CADPS: variants seen among roughly 807,000 people sequenced by gnomAD.
CADPS encodes calcium-dependent secretion activator 1.
In CADPS, 57 loss-of-function variants were observed where a neutral mutation model predicts 167.3. The ratio of observed to expected loss-of-function variants is 0.34; its 90% CI spans 0.28 to 0.42. The LOEUF (loss-of-function observed/expected upper bound fraction) is 0.42. Ranked by LOEUF, CADPS falls within the 20% of genes least tolerant of loss-of-function variation. CADPS has a pLI of 1.00. For synonymous variants in CADPS, 676 were observed against 635.3 expected, an observed-to-expected ratio of 1.06 and a Z score of -0.96; for missense variants, 1,414 against 1,738.1, an observed-to-expected ratio of 0.81 and a Z score of 3.32.
chr3:62,577,662 G>C (rs567987252), intron 8 of CADPS, among the ~76,000 whole-genome samples: 2 of 152,320 alleles, frequency 1.3e-5, no homozygotes, highest in East Asian at 3.9e-4. Context: ...CCATGTATGA[G>C]ACCTTGTTCT....
chr3:62,860,093 G>A (rs1187398609), intron 1 of CADPS, among the ~76,000 whole-genome samples: 1 of 152,136 alleles, frequency 6.6e-6, no homozygotes, highest in Non-Finnish European at 1.5e-5. Context: ...CGATCATGTG[G>A]CTTTTATATG....
Position 62,874,869 on chromosome 3 carries a change from C to G in CADPS, c.161G>C (p.Gly54Ala). The change falls in exon 1 of 30, where the codon GGC becomes GCC. Residue 54 changes from glycine to alanine, a missense_variant. Coordinates refer to ENST00000383710, the MANE Select transcript of CADPS (RefSeq NM_003716.4). This position sits in a 1 kb window ranked among gnomAD's most constrained non-coding sequence, Gnocchi z 7.1. ...GCCTGCACCCACCCCGGCTCCGGCG[C>G]CGGCGCCGCCGCCCCCCAGCCCGGC... ...GSAGLGGGGA[G>A]AGAGVGAGGG... 8.8e-7 allele frequency: 1 copy of G among 1,132,488 alleles called. No homozygotes were observed. Among genetic ancestry groups the G allele is most frequent in the Non-Finnish European group, 1.1e-6 (1 of 927,188 alleles). 70.2% of individuals were successfully genotyped at this position (1,132,488 alleles called of 1,614,324 possible).
chr3:62,742,840 C>G (rs898245571), intron 3 of CADPS, among the ~76,000 whole-genome samples: 2 of 152,134 alleles, frequency 1.3e-5, no homozygotes, highest in Admixed American at 6.6e-5. Context: ...AAAGAGAAAA[C>G]AGAAAACCGA....
chr3:62,696,389 A>G (rs905405254), intron 3 of CADPS, among the ~76,000 whole-genome samples: 1 of 152,044 alleles, frequency 6.6e-6, no homozygotes, highest in Admixed American at 6.5e-5. Flanking sequence ...CACACTGTCA[A>G]TACTTGCAGA....
At chr3:62,760,357 C>T (rs948165059) in intron 2 of CADPS, among the ~76,000 whole-genome samples, 1 of 152,130 alleles carries the variant, frequency 6.6e-6, no homozygotes, top group Non-Finnish European at 1.5e-5. Flanking sequence ...CAGTGTGTAA[C>T]AGGACTAGAA....
At chr3:62,844,052 G>A (rs773938259) in intron 1 of CADPS, among the ~76,000 whole-genome samples, 3 of 152,082 alleles carry the variant, frequency 2.0e-5, no homozygotes, top group Non-Finnish European at 4.4e-5. Context: ...CTAAAGATAG[G>A]CTTTTCTCTA....
intron 8 of CADPS, among the ~76,000 whole-genome samples, chr3:62,580,585 T>TTA (rs2083233455): frequency 8.0e-6 from 1 of 124,984 alleles, no homozygotes; most frequent in Non-Finnish European, 1.8e-5. Flanking sequence ...TAAAGTATAA[T>TTA]AAAAAAAAAT....
intron 3 of CADPS, among the ~76,000 whole-genome samples, chr3:62,706,860 G>T (rs964415714): frequency 6.6e-6 from 1 of 152,054 alleles, no homozygotes; most frequent in Non-Finnish European, 1.5e-5. Context: ...GGGTGGAAGC[G>T]GGGTGAGGGA....
intron 1 of CADPS, among the ~76,000 whole-genome samples, chr3:62,795,581 G>A (rs938689362): frequency 1.3e-5 from 2 of 151,978 alleles, no homozygotes; most frequent in East Asian, 3.9e-4. Context: ...TCTGTTTCAG[G>A]TTCTTCTTCA....
At chr3:62,485,037 C>T (rs774761718) in intron 21 of CADPS, among the ~76,000 whole-genome samples, 1 of 152,084 alleles carries the variant, frequency 6.6e-6, no homozygotes, top group Non-Finnish European at 1.5e-5. Flanking sequence ...TACTCATTAT[C>T]ACCCTGCCCC....
At chr3:62,796,847 G>A (rs1003970740) in intron 1 of CADPS, among the ~76,000 whole-genome samples, 1 of 152,194 alleles carries the variant, frequency 6.6e-6, no homozygotes, top group Non-Finnish European at 1.5e-5. Flanking sequence ...ATCAAAAAAT[G>A]TGTGACAGAA....
intron 28 of CADPS, among the ~76,000 whole-genome samples, chr3:62,415,657 C>A (rs1400173086): frequency 1.3e-5 from 2 of 152,188 alleles, no homozygotes; most frequent in Non-Finnish European, 2.9e-5. Context: ...GTGACTCTGC[C>A]TCTTTCTGCC....
At chr3:62,649,188 G>A (rs1055989255) in intron 5 of CADPS, among the ~76,000 whole-genome samples, 1 of 152,134 alleles carries the variant, frequency 6.6e-6, no homozygotes, top group Non-Finnish European at 1.5e-5. Flanking sequence ...TTGAACTTTA[G>A]TAAGTTACAA....
At position 62,651,060 on chromosome 3, in the gene CADPS, A is replaced by G. The variant is rs994457347; in HGVS notation, c.990T>C (p.Phe330=). The G allele has an allele frequency of 2.5e-6, 4 of 1,613,510 alleles. No individual in the cohort carries two copies. Among genetic ancestry groups the G allele is most frequent in the Non-Finnish European group, 3.4e-6 (4 of 1,179,700 alleles). ...QIARERKFPK[F]VSKEMENMYI... Reference sequence around the variant, plus strand: ...ACATGTTTTCCATTTCTTTGGATACAAACTTGGGAAATTTGCGTTCCTTGG... The same window carrying G: ...ACATGTTTTCCATTTCTTTGGATACGAACTTGGGAAATTTGCGTTCCTTGG... The change falls in exon 5 of 30, where the codon TTT becomes TTC. Residue 330 remains phenylalanine, a synonymous_variant. Transcript: ENST00000383710.
intron 3 of CADPS, among the ~76,000 whole-genome samples, chr3:62,680,542 G>A (rs1165964149): frequency 2.6e-5 from 4 of 151,856 alleles, no homozygotes; most frequent in Non-Finnish European, 4.4e-5. Context: ...CTCTCCATAC[G>A]TTTGTGTCTT....
rs552300579 is a variant in CADPS, at chr3:62,769,542, C to T, written c.442-3558G>A. ...CCACTGTGGCCACCCTAATTCTCAT[C>T]TTTGAGTGTTTGCACATACTATTCC... On this transcript the variant is annotated intron_variant, in intron 1 of 29. Transcript: ENST00000383710. 4.6e-5 allele frequency among the ~76,000 whole-genome samples: 7 copies of T among 152,210 alleles called. No individual in the cohort carries two copies. The South Asian group carries it at 1.5e-3, about 32-fold the overall frequency.
intron 1 of CADPS, among the ~76,000 whole-genome samples, chr3:62,866,973 C>G (rs1000250690): frequency 2.6e-5 from 4 of 151,998 alleles, no homozygotes; most frequent in Admixed American, 2.0e-4. Flanking sequence ...AGGTCTTAGT[C>G]TCTGTACGCT....
At chr3:62,692,927 C>T (rs1057100560) in intron 3 of CADPS, among the ~76,000 whole-genome samples, 1 of 151,976 alleles carries the variant, frequency 6.6e-6, no homozygotes, top group South Asian at 2.1e-4. Context: ...ATGATCATGG[C>T]CTCTTAGTAG....
chr3:62,847,037 T>C (rs1286769343), intron 1 of CADPS, among the ~76,000 whole-genome samples: 1 of 152,234 alleles, frequency 6.6e-6, no homozygotes, highest in Non-Finnish European at 1.5e-5. Context: ...TAAACCACTT[T>C]AGTCATTATC....
Sources: gnomAD v4.1 joint callset for allele counts (sites outside exome capture counted in the v4.1 genomes callset) on GRCh38, gnomAD v4.1.1 for gene constraint, Gnocchi (gnomAD v3.1) non-coding constraint, MANE v1.5 for transcripts, NCBI Gene and HGNC (gene_info 2026-07-23, HGNC 2026-07-21) for gene names.